Variants in OR1F1 observed in about 807,000 individuals in gnomAD.
The protein encoded by OR1F1 is olfactory receptor 1F1.
For synonymous variants in OR1F1, 184 were observed against 156.7 expected (o/e 1.17, Z -1.30); for missense variants, 493 against 376.3 (o/e 1.31, Z -2.57).
At chr16:3,201,582 C>T (rs916079939), upstream of OR1F1, among the ~76,000 whole-genome samples, 14 of 152,304 alleles carry the variant, frequency 9.2e-5, 1 homozygote, top group South Asian at 1.5e-3. Flanking sequence ...TCACTGGATT[C>T]CCGCATGGAA....
At chr16:3,197,594 GCTCC>G in the OR1F1 span, among the ~76,000 whole-genome samples, 4 of 2,104 alleles carry the variant, frequency 1.9e-3, no homozygotes, top group Middle Eastern at 0.083. Flanking sequence ...CATGTCAAGG[GCTCC>G]AGAGCCACCT....
chr16:3,190,183 A>G, the OR1F1 span, among the ~76,000 whole-genome samples: 3 of 152,146 alleles, frequency 2.0e-5, no homozygotes, highest in African/African-American at 7.2e-5. Flanking sequence ...TCTGGGGTCC[A>G]GAGACCTCTC....
At chr16:3,192,385 G>A in the OR1F1 span, among the ~76,000 whole-genome samples, 6 of 152,196 alleles carry the variant, frequency 3.9e-5, no homozygotes, top group Admixed American at 1.3e-4. Flanking sequence ...CTCAAGTCCA[G>A]GGTTTACTCC....
chr16:3,197,356 T>C, the OR1F1 span, among the ~76,000 whole-genome samples: 2 of 152,176 alleles, frequency 1.3e-5, no homozygotes, highest in African/African-American at 2.4e-5. Context: ...TTTGAACAAA[T>C]GTTTTATGTC....
At chr16:3,195,837 T>C in the OR1F1 span, among the ~76,000 whole-genome samples, 1 of 152,190 alleles carries the variant, frequency 6.6e-6, no homozygotes, top group African/African-American at 2.4e-5. Context: ...TGAATTACTT[T>C]ATTGGGCAAT....
At chr16:3,205,997 T>G (rs954308274), downstream of OR1F1, among the ~76,000 whole-genome samples, 1 of 152,248 alleles carries the variant, frequency 6.6e-6, no homozygotes, top group Non-Finnish European at 1.5e-5. Flanking sequence ...GCCATATTTT[T>G]CTTCTTGCAG....
At chr16:3,205,120 C>T (rs1958189889) in exon 1 of OR1F1, 1 of 1,613,992 alleles carries the variant, frequency 6.2e-7, no homozygotes, top group East Asian at 2.2e-5. Context: ...CATCTACAGC[C>T]TGAGGAACAG....
upstream of OR1F1, among the ~76,000 whole-genome samples, chr16:3,200,016 C>CA (rs533022490): frequency 0.042 from 5,677 of 135,704 alleles, 312 homozygotes; most frequent in African/African-American, 0.13. Context: ...AACTCCGTCT[C>CA]AAAAAAAAAA....
upstream of OR1F1, among the ~76,000 whole-genome samples, chr16:3,203,738 T>G (rs562290801): frequency 1.5e-4 from 23 of 152,286 alleles, 1 homozygote; most frequent in Admixed American, 3.3e-4. Flanking sequence ...CACTCTAGCC[T>G]GGCGACAGAG....
chr16:3,198,601 C>T, the OR1F1 span, among the ~76,000 whole-genome samples: 1 of 152,174 alleles, frequency 6.6e-6, no homozygotes, highest in African/African-American at 2.4e-5. Flanking sequence ...TGAAACAAAA[C>T]AACAGTGAGA....
At chr16:3,191,693 C>T in the OR1F1 span, among the ~76,000 whole-genome samples, 5 of 151,994 alleles carry the variant, frequency 3.3e-5, no homozygotes, top group Non-Finnish European at 5.9e-5. Context: ...TTGGTCTCCG[C>T]GCGCTCCCAG....
At chr16:3,190,328 G>A in the OR1F1 span, among the ~76,000 whole-genome samples, 21 of 152,188 alleles carry the variant, frequency 1.4e-4, no homozygotes, top group African/African-American at 5.1e-4. Context: ...GCGCCCACCA[G>A]GACTGGGGCC....
At chr16:3,192,336 A>G in the OR1F1 span, among the ~76,000 whole-genome samples, 2 of 152,214 alleles carry the variant, frequency 1.3e-5, no homozygotes. Flanking sequence ...GACAGGCGTG[A>G]GCCACTGCGC....
the OR1F1 span, among the ~76,000 whole-genome samples, chr16:3,188,830 G>A: frequency 6.6e-6 from 1 of 152,222 alleles, no homozygotes; most frequent in Admixed American, 6.5e-5. Context: ...GACGCCTGCT[G>A]CCCCACGGCC....
the OR1F1 span, among the ~76,000 whole-genome samples, chr16:3,193,178 G>GGCC: frequency 7.2e-5 from 11 of 152,254 alleles, no homozygotes; most frequent in East Asian, 2.1e-3. Flanking sequence ...CCACCGCCTT[G>GGCC]GCCTCCCAAA....
the OR1F1 span, among the ~76,000 whole-genome samples, chr16:3,190,858 A>G: frequency 1.3e-5 from 2 of 152,166 alleles, no homozygotes; most frequent in African/African-American, 4.8e-5. Flanking sequence ...GACTATTGGG[A>G]AGTCTGTAAT....
the OR1F1 span, among the ~76,000 whole-genome samples, chr16:3,198,463 G>T: frequency 6.6e-6 from 1 of 152,148 alleles, no homozygotes; most frequent in Non-Finnish European, 1.5e-5. Flanking sequence ...CAGGGGAAAT[G>T]CCTGATGAAC....
At chr16:3,203,569 T>G (rs539501444), upstream of OR1F1, among the ~76,000 whole-genome samples, 228 of 152,176 alleles carry the variant, frequency 1.5e-3, no homozygotes, top group African/African-American at 5.3e-3. Context: ...ATAGAGACCA[T>G]CATGGCCAAC....
At chr16:3,192,469 G>A in the OR1F1 span, among the ~76,000 whole-genome samples, 1 of 152,220 alleles carries the variant, frequency 6.6e-6, no homozygotes, top group African/African-American at 2.4e-5. Flanking sequence ...GGGGAATTTA[G>A]AATATGGATT....
Sources: allele counts gnomAD v4.1 joint callset (sites outside exome capture counted in the v4.1 genomes callset), GRCh38; gene constraint gnomAD v4.1.1; transcripts MANE v1.5; gene names NCBI Gene and HGNC (gene_info 2026-07-23, HGNC 2026-07-21).